The following SLC5A11 variants were observed in gnomAD, a reference collection of about 807,000 sequenced individuals.
The protein encoded by SLC5A11 is sodium/myo-inositol cotransporter 2.
In SLC5A11, 48 loss-of-function variants were observed where a neutral mutation model predicts 69.8. The observed-to-expected ratio is 0.69, with a 90% CI of 0.55 to 0.87. The LOEUF is 0.87. SLC5A11 is among the 40% of genes least tolerant of loss of function. SLC5A11 has a pLI of 0.00. For missense variants in SLC5A11, 784 were observed against 866.1 expected, an observed-to-expected ratio of 0.91 and a Z score of 1.19; for synonymous variants, 319 against 342.4, an observed-to-expected ratio of 0.93 and a Z score of 0.75.
chr16:24,852,615 A>G (rs897485454), intron 1 of SLC5A11, among the ~76,000 whole-genome samples: 3 of 152,296 alleles, frequency 2.0e-5, no homozygotes, highest in Middle Eastern at 3.4e-3. Flanking sequence ...GGAGCCAAAC[A>G]TCACCATGCA....
chr16:24,909,006 C>T (rs2050294428), exon 14 of SLC5A11: 2 of 1,614,026 alleles, frequency 1.2e-6, no homozygotes, highest in Admixed American at 1.7e-5. Flanking sequence ...AGAGCATTCA[C>T]TACCTCTACT....
chr16:24,908,983 C>T (rs756946661), exon 14 of SLC5A11: 1 of 1,614,054 alleles, frequency 6.2e-7, no homozygotes, highest in Non-Finnish European at 8.5e-7. Flanking sequence ...AGATGAGCGC[C>T]CGGTCCTGGT....
At chr16:24,850,129 G>GA (rs1191239304) in intron 1 of SLC5A11, among the ~76,000 whole-genome samples, 13 of 145,836 alleles carry the variant, frequency 8.9e-5, no homozygotes, top group East Asian at 2.0e-4. Flanking sequence ...TTGTAGAGGA[G>GA]AAAAAAAAAA....
chr16:24,908,081 G>T lies in SLC5A11; in HGVS notation c.1384G>T (p.Val462Leu), dbSNP rs771924509. ...CATCAGCTCCTACCTGCAGCCGCCT[G>T]TGGCGGTGGTCTTCATCATGGGATG... is the stretch of plus-strand genomic sequence containing the variant. Residue 462 changes from valine to leucine, a missense_variant, in exon 13 of 16, where the codon GTG (valine) becomes TTG (leucine). Around this residue, in one of 3 missense-constraint regions of SLC5A11, gnomAD observed 550 missense variants for 606.4 expected, o/e 0.91. Coordinates refer to ENST00000347898, the Ensembl canonical transcript of SLC5A11. 12 of 1,608,544 alleles carry T rather than the reference G, an allele frequency of 7.5e-6. No homozygotes were observed. In the East Asian group the frequency reaches 2.5e-4, roughly 33 times the overall value.
intron 6 of SLC5A11, 59 bp from the exon 8 acceptor site, chr16:24,877,199 A>G (rs2047730302): frequency 1.3e-6 from 2 of 1,598,282 alleles, no homozygotes; most frequent in Admixed American, 1.7e-5. Flanking sequence ...TGTGCTGCAA[A>G]TGTCCACTCA....
At position 24,881,313 on chromosome 16, in the gene SLC5A11, G is replaced by C. The variant is rs140257603; in HGVS notation, c.584-2738G>C. 1.2e-4 allele frequency among the ~76,000 whole-genome samples: 19 copies of C among 152,002 alleles called. No homozygotes were observed. The East Asian group carries it at 3.5e-3, about 28-fold the overall frequency. On this transcript the variant is annotated intron_variant, in intron 7 of 15. Transcript: ENST00000347898. ...TTTGTTTTTCTTTTTTTGAGACAGG[G>C]TCTCCCTCTGTTGCCCAGGCTGGAG...
chr16:24,891,703 T>C (rs1329759929), intron 9 of SLC5A11, among the ~76,000 whole-genome samples: 1 of 152,108 alleles, frequency 6.6e-6, no homozygotes, highest in East Asian at 1.9e-4. Flanking sequence ...AAACTCCTAT[T>C]GGACATCATT....
chr16:24,888,340 A>G (rs984797459), intron 8 of SLC5A11, among the ~76,000 whole-genome samples: 1 of 152,144 alleles, frequency 6.6e-6, no homozygotes, highest in Non-Finnish European at 1.5e-5. Flanking sequence ...AAATGAGAAC[A>G]TTACATTTCA....
At chr16:24,857,360 C>T (rs1362563450) in intron 1 of SLC5A11, among the ~76,000 whole-genome samples, 1 of 152,192 alleles carries the variant, frequency 6.6e-6, no homozygotes, top group Non-Finnish European at 1.5e-5. Flanking sequence ...AAAAATCACC[C>T]TTGGAAATTT....
chr16:24,902,894 A>C (rs898353681), intron 10 of SLC5A11, among the ~76,000 whole-genome samples: 2 of 152,214 alleles, frequency 1.3e-5, no homozygotes, highest in Non-Finnish European at 2.9e-5. Flanking sequence ...AGGACTTTGT[A>C]ATGTAGCAGA....
exon 9 of SLC5A11, chr16:24,890,994 C>T (rs1370999160): frequency 6.2e-7 from 1 of 1,614,218 alleles, no homozygotes; most frequent in Non-Finnish European, 8.5e-7. Flanking sequence ...TTTCCGAGAT[C>T]CGCTGACATC....
At chr16:24,848,128 G>A (rs8058764) in intron 1 of SLC5A11, among the ~76,000 whole-genome samples, 46,786 of 151,984 alleles carry the variant, frequency 0.31, 7,336 homozygotes, top group Middle Eastern at 0.4. Context: ...ATCCCAGGCA[G>A]AGGGAACAGA....
intron 2 of SLC5A11, chr16:24,859,410 G>A (rs1035108460): frequency 6.6e-6 from 1 of 152,074 alleles, no homozygotes; most frequent in Non-Finnish European, 1.5e-5. Flanking sequence ...AAAGTGCTGG[G>A]ATTACAAACA....
intron 15 of SLC5A11, among the ~76,000 whole-genome samples, chr16:24,910,935 G>A (rs1448561882): frequency 3.3e-5 from 5 of 151,400 alleles, no homozygotes; most frequent in South Asian, 2.1e-4. Context: ...TTGGGAGGCC[G>A]AGGTGGGTGC....
intron 1 of SLC5A11, among the ~76,000 whole-genome samples, chr16:24,849,099 A>G (rs2059152355): frequency 6.6e-6 from 1 of 152,172 alleles, no homozygotes. Context: ...CTCACAGACC[A>G]CTTGATAAGT....
intron 1 of SLC5A11, among the ~76,000 whole-genome samples, chr16:24,851,884 C>G (rs1255046996): frequency 1.3e-5 from 2 of 152,046 alleles, no homozygotes; most frequent in Admixed American, 1.3e-4. Flanking sequence ...CACGACATAT[C>G]TATTTCCTGG....
chr16:24,898,158 C>T (rs774389961), intron 10 of SLC5A11, 49 bp downstream of exon 11: 2 of 1,594,244 alleles, frequency 1.3e-6, no homozygotes, highest in East Asian at 2.2e-5. Context: ...AGTCTCAGAC[C>T]ATGTGAATTA....
chr16:24,875,566 G>A (rs774926134), intron 5 of SLC5A11, 61 bp from the exon 7 acceptor site: 23 of 587,284 alleles, frequency 3.9e-5, no homozygotes, highest in East Asian at 6.1e-5. Context: ...GGGCTTGTGT[G>A]GGGGGGTCAC....
chr16:24,863,839 C>A (rs554968943), intron 3 of SLC5A11, among the ~76,000 whole-genome samples: 3 of 152,272 alleles, frequency 2.0e-5, no homozygotes, highest in Admixed American at 2.0e-4. Flanking sequence ...AGCCTAGAAG[C>A]AACTGAAGAG....
Sources: gnomAD v4.1 joint callset for allele counts (sites outside exome capture counted in the v4.1 genomes callset) on GRCh38, gnomAD v4.1.1 for gene constraint, gnomAD v4.1.1 regional missense constraint, MANE v1.5 for transcripts, NCBI Gene and HGNC (gene_info 2026-07-23, HGNC 2026-07-21) for gene names.